The following TNK2 variants were observed in gnomAD, a reference collection of about 807,000 sequenced individuals.
The protein encoded by TNK2 is activated CDC42 kinase 1.
A neutral mutation model predicts 101.8 loss-of-function variants in TNK2; 83 were observed. The observed-to-expected ratio is 0.82, with a 90% CI of 0.68 to 0.98. The LOEUF (loss-of-function observed/expected upper bound fraction) is 0.98. TNK2 is among the 50% of genes least tolerant of loss of function. The probability of loss-of-function intolerance (pLI) is 0.00; values close to 1 mark genes in which losing one functional copy is unlikely to be tolerated. For synonymous variants in TNK2, 804 were observed against 633.0 expected, an observed-to-expected ratio of 1.27 and a Z score of -4.06; for missense variants, 1,665 against 1,483.2, an observed-to-expected ratio of 1.12 and a Z score of -2.01.
chr3:195,896,297 C>T (rs1760491463), intron 1 of TNK2: 1 of 330,720 alleles, frequency 3.0e-6, no homozygotes, highest in Non-Finnish European at 6.0e-6. Context: ...GGGCACCTTC[C>T]CTGGGTTGGG....
chr3:195,870,879 G>A (rs1333719624), intron 10 of TNK2, among the ~76,000 whole-genome samples: 1 of 149,664 alleles, frequency 6.7e-6, no homozygotes, highest in African/African-American at 2.5e-5. Context: ...TGAGCCCTGT[G>A]AGCTTGGGGT....
intron 10 of TNK2, among the ~76,000 whole-genome samples, chr3:195,870,911 G>T (rs535306006): frequency 6.6e-6 from 1 of 152,088 alleles, no homozygotes; most frequent in South Asian, 2.1e-4. Flanking sequence ...TGGGCCCGCT[G>T]TGTGGGTTCT....
intron 1 of TNK2, among the ~76,000 whole-genome samples, chr3:195,903,534 T>C (rs1362920629): frequency 1.3e-5 from 2 of 151,886 alleles, no homozygotes; most frequent in African/African-American, 2.4e-5. Context: ...CTGGCCAACA[T>C]AGTGAAACCC....
chr3:195,867,474 T>C lies in TNK2; in HGVS notation c.2824A>G (p.Asn942Asp), dbSNP rs370771381. ...LDPKANFSTN[N>D]SNPGARPPPP... is the part of the protein sequence containing the mutation. ...GGTGGCCGGGCCCCTGGGTTGCTGT[T>C]GTTGGTGGAGAAGTTGGCCTTGGGG... Residue 942 changes from asparagine (N) to aspartate (D), a missense_variant, in exon 13 of 16, where the codon AAC becomes GAC. By Grantham distance (23) the Asn-to-Asp change is conservative. Transcript: ENST00000672887. 178 of 1,580,034 alleles carry C rather than the reference T, an allele frequency of 1.1e-4. No individual in the cohort carries two copies. Among genetic ancestry groups the C allele is most frequent in the Non-Finnish European group, 1.5e-4 (172 of 1,171,042 alleles).
Position 195,868,099 on chromosome 3 carries a change from C to T in TNK2, c.2199G>A (p.Leu733=), listed in dbSNP as rs781444950. The T allele has an allele frequency of 1.9e-6, 3 of 1,610,820 alleles. No individual in the cohort carries two copies. In the South Asian group the frequency reaches 3.3e-5, roughly 18 times the overall value. ...GGGCCGGGGAGCCGGCCGGAGCCTGCAGTTGCCTCATGCACTCCTGCTGTA... is the reference window on the plus strand; with the variant it reads ...GGGCCGGGGAGCCGGCCGGAGCCTGTAGTTGCCTCATGCACTCCTGCTGTA... ...QALQQECMRQ[L]QAPAGSPAPS... is the part of the protein sequence containing the mutation. Residue 733 remains leucine (L), a synonymous_variant, in exon 13 of 16, where the codon CTG becomes CTA. Transcript: ENST00000672887.
At chr3:195,869,274 C>T (rs1355934537) in intron 12 of TNK2, 19 of 610,362 alleles carry the variant, frequency 3.1e-5, no homozygotes, top group East Asian at 1.1e-4. Context: ...GGAGTGAGGC[C>T]GAGGCGGAAG....
At chr3:195,865,024 G>A (rs1232014562) in intron 15 of TNK2, among the ~76,000 whole-genome samples, 11 of 118,426 alleles carry the variant, frequency 9.3e-5, no homozygotes, top group African/African-American at 2.0e-4. Context: ...TGCGTCCCGG[G>A]TGCAAATCAG....
In TNK2 at chr3:195,882,937, A is replaced by G. The variant is rs6771909; in HGVS notation, c.609+220T>C. Among the ~76,000 whole-genome samples the G allele has an allele frequency of 0.067, 10,264 of 152,196 alleles. 801 individuals are homozygous for G. The highest frequency in any genetic ancestry group is 0.19 in the African/African-American group (7,746 of 41,488). ...CCCTCCCATGGGAGTAACTCTCTTGACACTGAGCACCAGCAAAATCCAGAG... is the reference window on the plus strand; with the variant it reads ...CCCTCCCATGGGAGTAACTCTCTTGGCACTGAGCACCAGCAAAATCCAGAG... On this transcript the variant is annotated intron_variant, in intron 5 of 15. Transcript: ENST00000672887. The surrounding 1 kb of genome is among the most constrained non-coding windows in gnomAD (Gnocchi z 4.2).
chr3:195,903,380 C>T (rs1208490878), intron 1 of TNK2, among the ~76,000 whole-genome samples: 2 of 152,192 alleles, frequency 1.3e-5, no homozygotes, highest in African/African-American at 2.4e-5. Context: ...AAATGCATCC[C>T]CTGGAAGATC....
In TNK2 at chr3:195,879,105, G is replaced by C. The variant is rs1249103196; in HGVS notation, c.958C>G (p.Leu320Val). The C allele has an allele frequency of 6.2e-7, 1 of 1,613,796 alleles. No individual in the cohort carries two copies. The highest frequency in any genetic ancestry group is 8.5e-7 in the Non-Finnish European group (1 of 1,179,990). Residue 320 changes from leucine (L) to valine (V), a missense_variant, in exon 7 of 16, where the codon CTG (leucine) becomes GTG (valine). Physicochemically the swap from Leu to Val is conservative, Grantham distance 32 (BLOSUM62 1). Coordinates refer to ENST00000672887, the MANE Select transcript of TNK2 (RefSeq NM_001382273.1). ...ASDTWMFGVT[L>V]WEMFTYGQEP... ...TGGCCGTAGGTGAACATTTCCCACA[G>C]TGTCACCCCGAACATCCAGGTGTCG...
Position 195,883,164 on chromosome 3 carries a change from A to T in TNK2, c.602T>A (p.Met201Lys). Residue 201 changes from methionine to lysine, a missense_variant, in exon 5 of 16, where the codon ATG becomes AAG. Physicochemically the swap from Met to Lys is moderately conservative, Grantham distance 95. This residue lies in a region of TNK2 where 490 missense variants were observed against 522.5 expected (regional missense o/e 0.94). Transcript: ENST00000672887. ...CCCGCCCGCAGTACTCACCATCTTCATGGGCGGCGTGAGCACCACCCCGTA... is the reference window on the plus strand; with the variant it reads ...CCCGCCCGCAGTACTCACCATCTTCTTGGGCGGCGTGAGCACCACCCCGTA... ...RLYGVVLTPP[M>K]KMVTELAPLG... The T allele has an allele frequency of 6.2e-7, 1 of 1,604,028 alleles. No homozygotes were observed.
chr3:195,866,144 T>C (rs1192061252), intron 15 of TNK2, among the ~76,000 whole-genome samples: 1 of 152,250 alleles, frequency 6.6e-6, no homozygotes, highest in East Asian at 1.9e-4. Context: ...AATGTCTATA[T>C]ATTTTGTTAA....
At chr3:195,884,618 T>C (rs1754761278) in intron 4 of TNK2, 194 bp downstream of exon 4, 2 of 563,436 alleles carry the variant, frequency 3.5e-6, no homozygotes, top group Non-Finnish European at 6.1e-6. Context: ...CACTCCAGCC[T>C]GGGCGACAGA....
chr3:195,902,567 G>A (rs1477542638), intron 1 of TNK2, among the ~76,000 whole-genome samples: 2 of 141,218 alleles, frequency 1.4e-5, no homozygotes, highest in Non-Finnish European at 3.0e-5. Flanking sequence ...GCAGTGAGCC[G>A]AGATTGCACC....
Position 195,868,213 on chromosome 3 carries a change from G to T in TNK2, c.2085C>A (p.Pro695=). The T allele has an allele frequency of 6.2e-7, 1 of 1,607,206 alleles. No individual in the cohort carries two copies. Among genetic ancestry groups the T allele is most frequent in the East Asian group, 2.2e-5 (1 of 44,812 alleles). The change falls in exon 13 of 16, where the codon CCC becomes CCA. Residue 695 remains proline, a synonymous_variant. Transcript: ENST00000672887. ...YAFVPEQARP[P]PPLEDNLFLP... The stretch of plus-strand genomic sequence containing the variant: ...GGAACAGGTTGTCCTCCAGGGGAGG[G>T]GGCGGCCGCGCCTGCTCAGGCACAA...
At chr3:195,907,532 G>A (rs915441133) in intron 1 of TNK2, among the ~76,000 whole-genome samples, 2 of 152,212 alleles carry the variant, frequency 1.3e-5, no homozygotes, top group Non-Finnish European at 2.9e-5. Context: ...GGGGAAGCAA[G>A]CACCTGACAG....
chr3:195,902,045 A>T (rs1417283214), intron 1 of TNK2, among the ~76,000 whole-genome samples: 1 of 152,192 alleles, frequency 6.6e-6, no homozygotes, highest in Non-Finnish European at 1.5e-5. Context: ...CACCAGAACA[A>T]CAATTAAAAA....
rs1301837878 is a variant in TNK2, at chr3:195,887,022, C to T, written c.189G>A (p.Val63=). The part of the protein sequence containing the change: ...RPGQRRLWEA[V]KRRKALCKRK... ...GTTTGCACAAGGCCTTCCTCCTCTT[C>T]ACAGCCTCCCACAGCCGCCGCTGGC... The change falls in exon 3 of 16, where the codon GTG becomes GTA. Residue 63 remains valine (V), a synonymous_variant. Coordinates refer to ENST00000672887, the MANE Select transcript of TNK2 (RefSeq NM_001382273.1). 7.4e-6 allele frequency: 12 copies of T among 1,611,472 alleles called. No homozygotes were observed. Among genetic ancestry groups the T allele is most frequent in the Non-Finnish European group, 9.3e-6 (11 of 1,178,474 alleles).
rs1474233461 is a variant in TNK2 at position 195,888,511 on chromosome 3, G to A, written c.78C>T (p.Leu26=). The A allele has an allele frequency of 6.2e-7, 1 of 1,613,752 alleles. No homozygotes were observed. The highest frequency in any genetic ancestry group is 1.1e-5 in the South Asian group (1 of 91,048). The change falls in exon 2 of 16, where the codon CTC becomes CTT. Residue 26 remains leucine (L), a synonymous_variant. Transcript: ENST00000672887. The surrounding 1 kb of genome is among the most constrained non-coding windows in gnomAD (Gnocchi z 5.3). The part of the protein sequence containing the change: ...EVQLQQYFLR[L]RDDLNVTRLS... ...GGCGGGTGACGTTGAGGTCATCTCG[G>A]AGCCGCAGGAAGTACTGTTGCAGCT...
Sources: gnomAD v4.1 joint callset for allele counts (sites outside exome capture counted in the v4.1 genomes callset) on GRCh38, gnomAD v4.1.1 for gene constraint, gnomAD v4.1.1 regional missense constraint, Gnocchi (gnomAD v3.1) non-coding constraint, MANE v1.5 for transcripts, NCBI Gene and HGNC (gene_info 2026-07-23, HGNC 2026-07-21) for gene names.